MMP26: variants seen among roughly 807,000 people sequenced by gnomAD.
MMP26 encodes matrix metalloproteinase-26.
Under a neutral mutation model 31.0 loss-of-function variants are expected in MMP26, and 33 were observed. The ratio of observed to expected loss-of-function variants is 1.06; its 90% CI spans 0.81 to 1.42. The LOEUF is 1.42. MMP26 is among the 40% of genes most tolerant of loss of function. MMP26 has a pLI of 0.00. For missense variants in MMP26, 347 were observed against 316.1 expected (o/e 1.10, Z -0.74); for synonymous variants, 122 against 114.9 (o/e 1.06, Z -0.40).
chr11:4,851,286 C>T (rs187959710), intron 2 of MMP26, among the ~76,000 whole-genome samples: 4 of 152,214 alleles, frequency 2.6e-5, no homozygotes, highest in Non-Finnish European at 5.9e-5. Flanking sequence ...AGGCAGCTTC[C>T]GTGATTTGGA....
intron 1 of MMP26, chr11:4,710,780 A>C (rs950743568): frequency 4.8e-6 from 1 of 208,382 alleles, no homozygotes; most frequent in African/African-American, 2.3e-5. Context: ...AGCATGCACA[A>C]GTAAAGTCAT....
chr11:4,838,339 A>G (rs917489944), intron 2 of MMP26, among the ~76,000 whole-genome samples: 5 of 141,438 alleles, frequency 3.5e-5, no homozygotes, highest in African/African-American at 1.4e-4. Context: ...AAAAAAAAAA[A>G]AAAAAAAAAA....
chr11:4,804,140 G>A (rs1016280747), intron 2 of MMP26: 1 of 1,614,180 alleles, frequency 6.2e-7, no homozygotes, highest in Non-Finnish European at 8.5e-7. Context: ...ATCTTAGGTT[G>A]AGTGGAGGAG....
At chr11:4,861,731 C>T (rs748165314) in intron 2 of MMP26, among the ~76,000 whole-genome samples, 1 of 152,058 alleles carries the variant, frequency 6.6e-6, no homozygotes, top group Non-Finnish European at 1.5e-5. Flanking sequence ...AGCCCAGTTC[C>T]TTCAGGCTCC....
chr11:4,977,495 A>G (rs1846753709), intron 2 of MMP26, among the ~76,000 whole-genome samples: 1 of 152,072 alleles, frequency 6.6e-6, no homozygotes, highest in Non-Finnish European at 1.5e-5. Flanking sequence ...CAGAAGAAAG[A>G]AATTCTCAAG....
At chr11:4,861,502 T>A (rs4910529) in intron 2 of MMP26, among the ~76,000 whole-genome samples, 1 of 151,182 alleles carries the variant, frequency 6.6e-6, no homozygotes, top group Admixed American at 6.6e-5. Context: ...TATATATATA[T>A]AGAGAGAGGG....
chr11:4,918,189 G>A (rs914005092), intron 2 of MMP26, among the ~76,000 whole-genome samples: 1 of 152,052 alleles, frequency 6.6e-6, no homozygotes, highest in African/African-American at 2.4e-5. Context: ...GCCAGTCAGT[G>A]CCGGAGCTGG....
intron 2 of MMP26, among the ~76,000 whole-genome samples, chr11:4,819,147 A>G (rs1010650287): frequency 1.3e-5 from 2 of 152,208 alleles, no homozygotes; most frequent in African/African-American, 2.4e-5. Context: ...GGTTTTGAAC[A>G]TAGGAGGTTT....
Position 4,822,365 on chromosome 11 carries a change from A to G in MMP26, c.-145+55024A>G, listed in dbSNP as rs143656658. On this transcript the variant is annotated intron_variant, in intron 2 of 7. Coordinates refer to ENST00000380390, the MANE Select transcript of MMP26 (RefSeq NM_021801.5). ...AAGGTCTTAATTCAGAAGCACTCCA[A>G]ATCTAATCATCAGCTATTTCTGATT... 7.0e-5 allele frequency: 103 copies of G among 1,474,400 alleles called. No homozygotes were observed. In the African/African-American group the frequency reaches 1.4e-3, roughly 20 times the overall value. The allele number at this position is 1,474,400 out of a possible 1,614,324, so 91.3% of individuals were successfully genotyped here. A position where few individuals can be genotyped will look rare whatever the true frequency, so the allele number is the denominator to read the frequency against.
intron 1 of MMP26, among the ~76,000 whole-genome samples, chr11:4,759,111 C>CAAAAAAAAAAAAA (rs989730402): frequency 9.3e-5 from 4 of 43,180 alleles, no homozygotes; most frequent in East Asian, 9.8e-4. Context: ...CATTCCATCT[C>CAAAAAAAAAAAAA]AAAAAAAAAA....
intron 2 of MMP26, among the ~76,000 whole-genome samples, chr11:4,894,684 C>G (rs924395558): frequency 6.6e-6 from 1 of 152,028 alleles, no homozygotes; most frequent in African/African-American, 2.4e-5. Context: ...ACAGCAAGGG[C>G]AATACCTGCT....
intron 2 of MMP26, among the ~76,000 whole-genome samples, chr11:4,850,338 T>G (rs1218164833): frequency 6.6e-6 from 1 of 152,182 alleles, no homozygotes; most frequent in Non-Finnish European, 1.5e-5. Flanking sequence ...TAGGAAACAG[T>G]GAAGAGGAAT....
intron 2 of MMP26, among the ~76,000 whole-genome samples, chr11:4,927,608 G>T (rs2133587593): frequency 1.3e-5 from 2 of 152,196 alleles, no homozygotes; most frequent in Middle Eastern, 3.4e-3. Flanking sequence ...TGTTTTCTAT[G>T]TGCTTCTGCT....
chr11:4,775,334 G>A (rs1848777007), intron 2 of MMP26, among the ~76,000 whole-genome samples: 1 of 152,072 alleles, frequency 6.6e-6, no homozygotes, highest in Non-Finnish European at 1.5e-5. Flanking sequence ...CCTTGAAGAG[G>A]TCTTTCACTT....
intron 2 of MMP26, among the ~76,000 whole-genome samples, chr11:4,850,712 TTA>T (rs1467126961): frequency 6.6e-6 from 1 of 151,940 alleles, no homozygotes; most frequent in Non-Finnish European, 1.5e-5. Flanking sequence ...TTATAAAATA[TTA>T]TGTTAAAATT....
intron 2 of MMP26, among the ~76,000 whole-genome samples, chr11:4,809,910 C>G (rs568992887): frequency 1.3e-5 from 2 of 152,322 alleles, no homozygotes; most frequent in African/African-American, 4.8e-5. Context: ...ACCCAGACCT[C>G]TACTCTGTCT....
chr11:4,954,809 A>C (rs2133613843), intron 2 of MMP26: 1 of 1,066,024 alleles, frequency 9.4e-7, no homozygotes, highest in African/African-American at 1.6e-5. Flanking sequence ...TACAACTCTC[A>C]CTCTAATCTG....
intron 2 of MMP26, among the ~76,000 whole-genome samples, chr11:4,909,959 AT>A (rs915119646): frequency 1.1e-4 from 16 of 151,708 alleles, no homozygotes; most frequent in Admixed American, 2.6e-4. Context: ...TTTTTGGTGT[AT>A]TTTTTTTGGT....
chr11:4,753,976 C>T (rs1187302400), intron 1 of MMP26, among the ~76,000 whole-genome samples: 12 of 151,864 alleles, frequency 7.9e-5, no homozygotes, highest in Admixed American at 7.9e-4. Context: ...GATCTTTGTT[C>T]TCTTATAGGA....
Sources: gnomAD v4.1 joint callset for allele counts (sites outside exome capture counted in the v4.1 genomes callset) on GRCh38, gnomAD v4.1.1 for gene constraint, MANE v1.5 for transcripts, NCBI Gene and HGNC (gene_info 2026-07-23, HGNC 2026-07-21) for gene names.